The following GUCY2C variants were observed in gnomAD, a reference collection of about 807,000 sequenced individuals.
GUCY2C encodes guanylate cyclase 2C, also known as guanylyl cyclase C.
Under a neutral mutation model 131.1 loss-of-function variants are expected in GUCY2C, and 118 were observed. The ratio of observed to expected loss-of-function variants is 0.90; its 90% confidence interval spans 0.78 to 1.05. The LOEUF (loss-of-function observed/expected upper bound fraction) is 1.05. GUCY2C is among the 50% of genes least tolerant of loss of function. The pLI is 0.00. For synonymous variants in GUCY2C, 452 were observed against 457.8 expected, an observed-to-expected ratio of 0.99 and a Z score of 0.16; for missense variants, 1,161 against 1,304.4, an observed-to-expected ratio of 0.89 and a Z score of 1.69.
In GUCY2C at chr12:14,659,295, G is replaced by A. The variant is rs532956908; in HGVS notation, c.1364+1686C>T. ...CCTGACCTCATGATTCAGCCACCTCGGCCTTCCAAAGTGCTGGGATTACAG... is the reference window on the plus strand; with the variant it reads ...CCTGACCTCATGATTCAGCCACCTCAGCCTTCCAAAGTGCTGGGATTACAG... On this transcript the variant is annotated intron_variant, in intron 11 of 26. Coordinates refer to ENST00000261170, the MANE Select transcript of GUCY2C (RefSeq NM_004963.4). 1.8e-3 allele frequency among the ~76,000 whole-genome samples: 279 copies of A among 152,052 alleles called. 1 individual carries two copies. The highest frequency in any genetic ancestry group is 6.1e-3 in the African/African-American group (254 of 41,456).
At position 14,628,717 on chromosome 12, in the gene GUCY2C, G is replaced by T. The variant is rs963465831; in HGVS notation, c.2178C>A (p.Asn726Lys). 1.9e-6 allele frequency: 3 copies of T among 1,588,638 alleles called. No individual in the cohort carries two copies. Among genetic ancestry groups the T allele is most frequent in the East Asian group, 2.2e-5 (1 of 44,704 alleles). The change falls in exon 20 of 27, where the codon AAC becomes AAA. Residue 726 changes from asparagine to lysine, a missense_variant. Transcript: ENST00000261170. ...TCTTTTCTGGATCTTCCTCCCAACA[G>T]TTTTTTACAAGTAGGTACACCTGGA... Reference protein sequence around the residue: ...KELEVYLLVKNCWEEDPEKRP... With the variant: ...KELEVYLLVKKCWEEDPEKRP...
chr12:14,689,457 G>A (rs1948536965), intron 1 of GUCY2C, among the ~76,000 whole-genome samples: 2 of 152,148 alleles, frequency 1.3e-5, no homozygotes, highest in Non-Finnish European at 2.9e-5. Context: ...ATCAGAAATA[G>A]TTATTAATGC....
At chr12:14,625,669 T>G in intron 21 of GUCY2C, 88 bp downstream of exon 21, 1 of 1,332,688 alleles carries the variant, frequency 7.5e-7, no homozygotes, top group Non-Finnish European at 1.0e-6. Flanking sequence ...TACTGAAGAA[T>G]ATATAAAAGG....
intron 15 of GUCY2C, among the ~76,000 whole-genome samples, chr12:14,649,347 C>A (rs1328776375): frequency 1.3e-5 from 2 of 152,132 alleles, no homozygotes; most frequent in African/African-American, 4.8e-5. Context: ...ATACCAGATT[C>A]AGCTTAATTC....
At chr12:14,645,464 G>GT (rs1199863877) in intron 15 of GUCY2C, 149 bp from the exon 16 acceptor site, 2 of 572,232 alleles carry the variant, frequency 3.5e-6, no homozygotes, top group African/African-American at 3.8e-5. Flanking sequence ...TCATGAACCT[G>GT]TGTTTTTTCC....
intron 12 of GUCY2C, among the ~76,000 whole-genome samples, chr12:14,655,896 T>C (rs116498172): frequency 0.011 from 1,699 of 152,316 alleles, 18 homozygotes; most frequent in African/African-American, 0.039. Flanking sequence ...TTATTACTTA[T>C]AGTTATCTTA....
intron 15 of GUCY2C, among the ~76,000 whole-genome samples, chr12:14,649,772 A>C (rs1167092240): frequency 6.6e-6 from 1 of 152,196 alleles, no homozygotes; most frequent in African/African-American, 2.4e-5. Flanking sequence ...AACGTTTTTC[A>C]CATGAGGTCT....
At chr12:14,632,368 T>G (rs1294692551) in intron 19 of GUCY2C, among the ~76,000 whole-genome samples, 1 of 152,156 alleles carries the variant, frequency 6.6e-6, no homozygotes, top group Non-Finnish European at 1.5e-5. Context: ...TAGGTAAAGA[T>G]CATAAATATC....
intron 13 of GUCY2C, 68 bp downstream of exon 13, chr12:14,652,884 G>T: frequency 1.0e-6 from 1 of 989,964 alleles, no homozygotes; most frequent in Non-Finnish European, 1.6e-6. Flanking sequence ...TCAGGGGCCA[G>T]GGCAATGAGG....
At chr12:14,661,581 G>A (rs1293922541) in intron 10 of GUCY2C, among the ~76,000 whole-genome samples, 1 of 152,038 alleles carries the variant, frequency 6.6e-6, no homozygotes, top group Non-Finnish European at 1.5e-5. Flanking sequence ...TGGGATTACA[G>A]GTGTGCGCCA....
Position 14,672,929 on chromosome 12 carries a change from A to T in GUCY2C, c.1114T>A (p.Trp372Arg), listed in dbSNP as rs1249855633. The change falls in exon 9 of 27, where the codon TGG (tryptophan) becomes AGG (arginine). Residue 372 changes from tryptophan to arginine, a missense_variant. Transcript: ENST00000261170. ...ACCATGGTACTGTCAACATCCCCCCAGTCATCCAAGGTCACTGGACCGTCA... is the reference window on the plus strand; with the variant it reads ...ACCATGGTACTGTCAACATCCCCCCTGTCATCCAAGGTCACTGGACCGTCA... ...GYDGPVTLDD[W>R]GDVDSTMVLL... is the part of the protein sequence containing the mutation. The T allele has an allele frequency of 6.2e-7, 1 of 1,608,464 alleles. No individual in the cohort carries two copies. Among genetic ancestry groups the T allele is most frequent in the Non-Finnish European group, 8.5e-7 (1 of 1,174,830 alleles).
At chr12:14,681,335 A>T in intron 5 of GUCY2C, 21 bp downstream of exon 5, 1 of 1,609,450 alleles carries the variant, frequency 6.2e-7, no homozygotes, top group South Asian at 1.1e-5. Context: ...GCAAAAAACA[A>T]TTATCTTCAT....
At chr12:14,659,050 CTT>C (rs566631025) in intron 11 of GUCY2C, among the ~76,000 whole-genome samples, 3 of 143,954 alleles carry the variant, frequency 2.1e-5, no homozygotes, top group Admixed American at 7.0e-5. Context: ...TCATTTCTTT[CTT>C]TTTTTTTTTT....
intron 11 of GUCY2C, among the ~76,000 whole-genome samples, chr12:14,658,490 A>G (rs1235536580): frequency 6.6e-6 from 1 of 152,128 alleles, no homozygotes; most frequent in Non-Finnish European, 1.5e-5. Context: ...AGGCTGGCCA[A>G]CGTGGCGAAA....
At chr12:14,652,737 AACATTCT>A (rs1947688579) in intron 13 of GUCY2C, among the ~76,000 whole-genome samples, 1 of 152,168 alleles carries the variant, frequency 6.6e-6, no homozygotes, top group South Asian at 2.1e-4. Context: ...ACCCTTCCCC[AACATTCT>A]ATTTGTCTTC....
intron 3 of GUCY2C, among the ~76,000 whole-genome samples, chr12:14,683,944 A>G (rs117711046): frequency 0.034 from 5,203 of 152,230 alleles, 114 homozygotes; most frequent in Middle Eastern, 0.095. Flanking sequence ...TCACCCCAGC[A>G]TCATACCATT....
rs1261518585 is a variant in GUCY2C at position 14,674,747 on chromosome 12, A to G, written c.962T>C (p.Phe321Ser). ...SRNLSPTKRD[F>S]ALAYLNGILL... ...GATTCCATTCAAATAGGCAAGAGCAAAGTCTCGTTTTGTCTAAATAAAAAA... is the reference window on the plus strand; with the variant it reads ...GATTCCATTCAAATAGGCAAGAGCAGAGTCTCGTTTTGTCTAAATAAAAAA... Residue 321 changes from phenylalanine to serine, a missense_variant, in exon 8 of 27, where the codon TTT (phenylalanine) becomes TCT (serine). Transcript: ENST00000261170. 6.2e-7 allele frequency: 1 copy of G among 1,609,542 alleles called. No individual in the cohort carries two copies. Among genetic ancestry groups the G allele is most frequent in the Non-Finnish European group, 8.5e-7 (1 of 1,177,494 alleles).
intron 19 of GUCY2C, among the ~76,000 whole-genome samples, chr12:14,629,736 CTT>C (rs1256009411): frequency 6.6e-6 from 1 of 152,210 alleles, no homozygotes; most frequent in Non-Finnish European, 1.5e-5. Context: ...ATGGTTCTAA[CTT>C]ATAGCAAACA....
intron 8 of GUCY2C, among the ~76,000 whole-genome samples, chr12:14,673,875 A>G (rs1186973722): frequency 6.6e-6 from 1 of 152,128 alleles, no homozygotes; most frequent in Non-Finnish European, 1.5e-5. Context: ...AGCAGAAGTG[A>G]TCTCTTCCTG....
Sources: gnomAD v4.1 joint callset for allele counts (sites outside exome capture counted in the v4.1 genomes callset) on GRCh38, gnomAD v4.1.1 for gene constraint, MANE v1.5 for transcripts, NCBI Gene and HGNC (gene_info 2026-07-23, HGNC 2026-07-21) for gene names.